Variants in ERI1 observed in about 807,000 individuals in gnomAD.
ERI1 encodes the protein 3'-5' exoribonuclease 1.
Under a neutral mutation model 39.7 loss-of-function variants are expected in ERI1, and 39 were observed. That is an observed-to-expected ratio of 0.98 (90% confidence interval 0.76 to 1.28). ERI1 has a LOEUF of 1.28. ERI1 is among the 50% of genes most tolerant of loss of function. ERI1 has a pLI of 0.00. For missense variants in ERI1, 581 were observed against 416.9 expected (o/e 1.39, Z -3.43); for synonymous variants, 204 against 149.6 (o/e 1.36, Z -2.65).
chr8:9,033,465 T>C (rs970634319), downstream of ERI1: 11 of 152,176 alleles, frequency 7.2e-5, no homozygotes, highest in African/African-American at 2.7e-4. Context: ...TGGCCCTTTA[T>C]GGAGAAAGTT....
chr8:9,068,343 C>G (rs567798480), intron 3 of ERI1, among the ~76,000 whole-genome samples: 1 of 152,194 alleles, frequency 6.6e-6, no homozygotes, highest in Non-Finnish European at 1.5e-5. Context: ...CTTTCTCTCT[C>G]TCTCCTTTTT....
At position 9,085,936 on chromosome 8, in the gene ERI1, T is replaced by C. The variant is rs117283575; in HGVS notation, n.300-30412T>C. 4.5e-4 allele frequency among the ~76,000 whole-genome samples: 68 copies of C among 152,294 alleles called. 1 individual carries two copies. In the East Asian group the frequency reaches 0.011, roughly 25 times the overall value. ...AACTCTTATATGATCAAGATGCTTT[T>C]TTTAAAGTGTGTGCATAAGCATGCA... On this transcript the variant is annotated intron_variant and non_coding_transcript_variant, in intron 3 of 3. Transcript: ENST00000518663.
chr8:9,005,674 T>C (rs1815930585), intron 1 of ERI1, among the ~76,000 whole-genome samples: 1 of 142,174 alleles, frequency 7.0e-6, no homozygotes, highest in African/African-American at 3.0e-5. Flanking sequence ...GCCCGGCTAA[T>C]TTTTTGTATT....
At position 9,092,549 on chromosome 8, in the gene ERI1, C is replaced by T. The variant is rs374793550; in HGVS notation, n.300-23799C>T. ...AGATAGGGAACATCACTGAAGATTA[C>T]GGGGAATCAAATGAGCAATTGTTTT... On this transcript the variant is annotated intron_variant and non_coding_transcript_variant, in intron 3 of 3. Transcript: ENST00000518663. Among the ~76,000 whole-genome samples the T allele has an allele frequency of 4.6e-5, 7 of 152,158 alleles. No homozygotes were observed. The East Asian group carries it at 5.8e-4, about 13-fold the overall frequency.
intron 3 of ERI1, among the ~76,000 whole-genome samples, chr8:9,098,194 G>A (rs1170852880): frequency 1.3e-5 from 2 of 152,126 alleles, no homozygotes; most frequent in African/African-American, 4.8e-5. Context: ...GACCAGCCTG[G>A]CAAAAATGGT....
intron 3 of ERI1, among the ~76,000 whole-genome samples, chr8:9,015,176 A>G (rs546806930): frequency 2.1e-4 from 32 of 152,268 alleles, no homozygotes; most frequent in African/African-American, 7.2e-4. Context: ...GCTCATTTAC[A>G]ATTCTTTACA....
At chr8:9,083,348 TAAAGAAAGCATACCGTAACAAGAGA>T (rs992094623) in intron 3 of ERI1, among the ~76,000 whole-genome samples, 28 of 152,202 alleles carry the variant, frequency 1.8e-4, no homozygotes, top group Non-Finnish European at 4.0e-4. Flanking sequence ...ATCTGCCCCC[TAAAGAAAGCATACCGTAACAAGAGA>T]AAGCATACCA....
At position 9,011,554 on chromosome 8, in the gene ERI1, T is replaced by G. The variant is rs951634333; in HGVS notation, c.300T>G (p.Asp100Glu). 6.2e-7 allele frequency: 1 copy of G among 1,606,158 alleles called. No homozygotes were observed. Among genetic ancestry groups the G allele is most frequent in the South Asian group, 1.1e-5 (1 of 90,148 alleles). The change falls in exon 3 of 7, where the codon GAT becomes GAG. Residue 100 changes from aspartate (D) to glutamate (E), a missense_variant. Asp to Glu is a conservative substitution (Grantham distance 45). Coordinates refer to ENST00000250263, the MANE Select transcript of ERI1 (RefSeq NM_153332.4). ...TTCTTCTACTTAGAGGAGTAAAGGA[T>G]GTTCTAAAGAAGAGACTGAAAAACT... is the stretch of plus-strand genomic sequence containing the variant. ...EFKLETRGVK[D>E]VLKKRLKNYY... is the part of the protein sequence containing the mutation.
chr8:9,041,113 G>A (rs753513816), intron 3 of ERI1, among the ~76,000 whole-genome samples: 1 of 152,226 alleles, frequency 6.6e-6, no homozygotes, highest in African/African-American at 2.4e-5. Context: ...CGCATGAAGA[G>A]TACAGTGGGG....
At position 9,032,928 on chromosome 8, in the gene ERI1, C is replaced by G. The variant is rs1797692924; in HGVS notation, c.*2894C>G. 1 of 152,186 alleles carries G rather than the reference C, an allele frequency of 6.6e-6. No homozygotes were observed. The highest frequency in any genetic ancestry group is 1.5e-5 in the Non-Finnish European group (1 of 68,038). The allele number at this position is 152,186 out of a possible 1,614,324, so 9.4% of individuals were successfully genotyped here. On this transcript the variant is annotated 3_prime_UTR_variant, in exon 7 of 7. Transcript: ENST00000250263. ...TGAAGGAAGACTTTCCATTTCTAAGCTACCATGGAGAAGTATATGCTCCTC... is the reference window on the plus strand; with the variant it reads ...TGAAGGAAGACTTTCCATTTCTAAGGTACCATGGAGAAGTATATGCTCCTC...
intron 3 of ERI1, among the ~76,000 whole-genome samples, chr8:9,097,976 T>C (rs1799931481): frequency 6.6e-6 from 1 of 152,220 alleles, no homozygotes; most frequent in Non-Finnish European, 1.5e-5. Flanking sequence ...TGCAGCAACC[T>C]GAGTGGAATT....
chr8:9,026,433 C>G (rs369940820), intron 6 of ERI1, among the ~76,000 whole-genome samples: 4 of 151,952 alleles, frequency 2.6e-5, no homozygotes, highest in African/African-American at 7.3e-5. Flanking sequence ...TCTTCTGTCT[C>G]TATCAGTTTG....
intron 3 of ERI1, among the ~76,000 whole-genome samples, chr8:9,083,895 G>T (rs574574838): frequency 6.6e-5 from 10 of 151,952 alleles, no homozygotes; most frequent in Admixed American, 3.3e-4. Flanking sequence ...CTGGGTTCAC[G>T]CCATTCTCCA....
chr8:9,074,970 G>T (rs1488607779), intron 3 of ERI1, among the ~76,000 whole-genome samples: 1 of 152,074 alleles, frequency 6.6e-6, no homozygotes, highest in Non-Finnish European at 1.5e-5. Flanking sequence ...ACAGAAGAGC[G>T]CCGGGCACCA....
At chr8:9,020,497 C>A in intron 6 of ERI1, 33 bp downstream of exon 6, 1 of 1,326,084 alleles carries the variant, frequency 7.5e-7, no homozygotes, top group Non-Finnish European at 1.1e-6. Flanking sequence ...TTACGTGGTT[C>A]TTAATGATAA....
intron 6 of ERI1, 93 bp from the exon 7 acceptor site, chr8:9,029,699 C>G (rs765333500): frequency 2.3e-5 from 33 of 1,452,842 alleles, no homozygotes; most frequent in Admixed American, 3.7e-5. Context: ...GCTGTTAGTG[C>G]TAATTTTCAG....
At chr8:9,072,560 C>T (rs938715687) in intron 3 of ERI1, 1 of 152,088 alleles carries the variant, frequency 6.6e-6, no homozygotes, top group African/African-American at 2.4e-5. Context: ...CCTGAAGGAT[C>T]CTTCCGTCGC....
Position 9,011,706 on chromosome 8 carries a change from T to G in ERI1, c.452T>G (p.Ile151Arg). Residue 151 changes from isoleucine to arginine, a missense_variant, in exon 3 of 7, where the codon ATA becomes AGA. Ile to Arg is a moderately conservative substitution (Grantham distance 97). Transcript: ENST00000250263. ...EGNPPEFVHE[I>R]IEFPVVLLNT... ...AACCCACCTGAGTTTGTACATGAAA[T>G]AATTGAATTTCCGGTTGTTTTACTG... 6.2e-7 allele frequency: 1 copy of G among 1,611,884 alleles called. No individual in the cohort carries two copies. The highest frequency in any genetic ancestry group is 1.1e-5 in the South Asian group (1 of 90,878).
rs73662295 is a variant in ERI1 at position 9,088,894 on chromosome 8, G to C, written n.300-27454G>C. 6.6e-3 allele frequency among the ~76,000 whole-genome samples: 1,008 copies of C among 152,272 alleles called. 7 individuals carry two copies. The highest frequency in any genetic ancestry group is 0.023 in the African/African-American group (944 of 41,552). Reference sequence around the variant, plus strand: ...AACACATTCCCTGACCAGGTCATGCGGGTGAGTTAATAGGTTCACTACGTG... The same window carrying C: ...AACACATTCCCTGACCAGGTCATGCCGGTGAGTTAATAGGTTCACTACGTG... On this transcript the variant is annotated intron_variant and non_coding_transcript_variant, in intron 3 of 3. Coordinates refer to the ERI1 transcript ENST00000518663.
Sources: gnomAD v4.1 joint callset for allele counts (sites outside exome capture counted in the v4.1 genomes callset) on GRCh38, gnomAD v4.1.1 for gene constraint, MANE v1.5 for transcripts, NCBI Gene and HGNC (gene_info 2026-07-23, HGNC 2026-07-21) for gene names.